The following CHIC1 variants were observed in gnomAD, a reference collection of about 807,000 sequenced individuals.
CHIC1 encodes the protein cysteine rich hydrophobic domain 1.
A neutral mutation model predicts 18.5 loss-of-function variants in CHIC1; 7 were observed. The observed-to-expected ratio is 0.38, with a 90% CI of 0.22 to 0.71. CHIC1 has a LOEUF of 0.71. Ranked by LOEUF, CHIC1 falls within the 30% of genes least tolerant of loss-of-function variation. The pLI is 0.49. For synonymous variants in CHIC1, 77 were observed against 73.5 expected, an observed-to-expected ratio of 1.05 and a Z score of -0.25; for missense variants, 159 against 176.9, an observed-to-expected ratio of 0.90 and a Z score of 0.57.
chrX:73,651,488 T>A (rs73496920), intron 3 of CHIC1, among the ~76,000 whole-genome samples: 1,771 of 111,153 alleles, frequency 0.016, 40 homozygotes, highest in African/African-American at 0.055. Flanking sequence ...CCCCATTGTC[T>A]CAGCCACAAA....
chrX:73,639,792 T>C (rs1005353564), intron 3 of CHIC1, among the ~76,000 whole-genome samples: 1 of 111,784 alleles, frequency 8.9e-6, no homozygotes, highest in Admixed American at 9.6e-5. Flanking sequence ...TTTATGGTAA[T>C]TGTGAATTGA....
rs1384269391 is a variant in CHIC1 at position 73,685,409 on chromosome X, C to T, written c.*4404C>T. On this transcript the variant is annotated 3_prime_UTR_variant, in exon 6 of 6. Transcript: ENST00000373502. ...ACAACAATGGAAATATTGGAGGACC[C>T]ACTTTGGCATTTATGTAAAGATTTC... 9.0e-6 allele frequency: 1 copy of T among 111,640 alleles called. No homozygotes were observed. The highest frequency in any genetic ancestry group is 9.6e-5 in the Admixed American group (1 of 10,442). The allele number at this position is 111,640 out of a possible 1,213,427, so 9.2% of individuals were successfully genotyped here.
chrX:73,638,333 A>G (rs929614301), intron 3 of CHIC1, among the ~76,000 whole-genome samples: 4 of 111,168 alleles, frequency 3.6e-5, no homozygotes, highest in African/African-American at 1.3e-4. Flanking sequence ...TCAGTCCTTC[A>G]GTTTGTCTTC....
intron 3 of CHIC1, among the ~76,000 whole-genome samples, chrX:73,606,872 C>A (rs913989650): frequency 2.8e-5 from 3 of 108,974 alleles, no homozygotes; most frequent in Non-Finnish European, 5.6e-5. Context: ...CAGAGGGGCA[C>A]CTGCCAGATG....
chrX:73,576,016 A>G (rs1332300334), intron 1 of CHIC1, among the ~76,000 whole-genome samples: 1 of 109,105 alleles, frequency 9.2e-6, no homozygotes, highest in East Asian at 2.9e-4. Flanking sequence ...TAAGACACAA[A>G]CACACACATT....
chrX:73,589,515 ATG>A (rs1257515391), intron 3 of CHIC1, among the ~76,000 whole-genome samples: 2 of 107,405 alleles, frequency 1.9e-5, no homozygotes, highest in African/African-American at 6.8e-5. Flanking sequence ...TTCTACTGCT[ATG>A]TATATCTATA....
intron 3 of CHIC1, among the ~76,000 whole-genome samples, chrX:73,587,637 A>G (rs2057559714): frequency 9.0e-6 from 1 of 111,611 alleles, no homozygotes; most frequent in Admixed American, 9.5e-5. Context: ...AAGGAAAAGC[A>G]TATGATAGAA....
chrX:73,620,127 C>T (rs1242717459), intron 3 of CHIC1, among the ~76,000 whole-genome samples: 2 of 112,073 alleles, frequency 1.8e-5, no homozygotes, highest in Non-Finnish European at 3.8e-5. Context: ...TGGGTGGGTT[C>T]CAAGTCTTTG....
chrX:73,582,503 A>G (rs1448876532), intron 2 of CHIC1, among the ~76,000 whole-genome samples: 1 of 109,908 alleles, frequency 9.1e-6, no homozygotes, highest in African/African-American at 3.3e-5. Context: ...AGAGCATTGA[A>G]TCTGCATTTA....
At chrX:73,578,074 A>C (rs1409038044) in intron 2 of CHIC1, among the ~76,000 whole-genome samples, 8 of 110,152 alleles carry the variant, frequency 7.3e-5, no homozygotes, top group African/African-American at 9.8e-5. Flanking sequence ...TATATACTGG[A>C]AATTTGCTGA....
intron 3 of CHIC1, among the ~76,000 whole-genome samples, chrX:73,673,783 A>C (rs375847480): frequency 9.0e-6 from 1 of 111,611 alleles, no homozygotes; most frequent in Admixed American, 9.5e-5. Context: ...TTCCAACACT[A>C]TGTTGAATAG....
chrX:73,645,328 A>G (rs1227991362), intron 3 of CHIC1, among the ~76,000 whole-genome samples: 1 of 112,123 alleles, frequency 8.9e-6, no homozygotes, highest in Non-Finnish European at 1.9e-5. Context: ...ACACTTAGGT[A>G]TCTCTCTATC....
At chrX:73,571,494 G>A (rs940078563) in intron 1 of CHIC1, among the ~76,000 whole-genome samples, 3 of 111,230 alleles carry the variant, frequency 2.7e-5, no homozygotes, top group South Asian at 3.7e-4. Flanking sequence ...TGCTAAGTTA[G>A]CAAATAATTA....
chrX:73,593,938 A>G (rs1032209312), intron 3 of CHIC1, among the ~76,000 whole-genome samples: 1 of 111,505 alleles, frequency 9.0e-6, no homozygotes, highest in Non-Finnish European at 1.9e-5. Context: ...ATTTCTGGGG[A>G]CATAGTGCAA....
intron 3 of CHIC1, among the ~76,000 whole-genome samples, chrX:73,654,345 T>A (rs1178989410): frequency 8.9e-6 from 1 of 112,431 alleles, no homozygotes; most frequent in Non-Finnish European, 1.9e-5. Flanking sequence ...ATTTACTGAT[T>A]GTGTATGTTG....
chrX:73,674,713 G>GT (rs1265357192), intron 3 of CHIC1, among the ~76,000 whole-genome samples: 14 of 111,182 alleles, frequency 1.3e-4, no homozygotes, highest in African/African-American at 3.0e-4. Flanking sequence ...TTTTTGAAGG[G>GT]TTTTTTGTGT....
intron 3 of CHIC1, among the ~76,000 whole-genome samples, chrX:73,668,483 C>T (rs950038661): frequency 9.0e-6 from 1 of 111,566 alleles, no homozygotes; most frequent in African/African-American, 3.3e-5. Flanking sequence ...TCTTTCTCAT[C>T]CTTGTGGGAT....
intron 3 of CHIC1, among the ~76,000 whole-genome samples, chrX:73,666,865 A>G (rs978902023): frequency 1.8e-5 from 2 of 112,053 alleles, no homozygotes; most frequent in Non-Finnish European, 3.8e-5. Context: ...GATATCTATC[A>G]GGTACACTTG....
chrX:73,609,715 T>C lies in CHIC1; in HGVS notation c.507+25143T>C, dbSNP rs961170151. Among the ~76,000 whole-genome samples, 9 of 109,961 alleles carry C rather than the reference T, an allele frequency of 8.2e-5. 1 individual carries two copies. Among genetic ancestry groups the C allele is most frequent in the African/African-American group, 2.8e-4 (8 of 28,410 alleles). On this transcript the variant is annotated intron_variant, in intron 3 of 5. Coordinates refer to ENST00000373502, the MANE Select transcript of CHIC1 (RefSeq NM_001039840.4). ...TTTCTACATATTTATGGAGTACATATAATATTTTGTAACATACATAGACTG... is the reference window on the plus strand; with the variant it reads ...TTTCTACATATTTATGGAGTACATACAATATTTTGTAACATACATAGACTG...
Sources: allele counts gnomAD v4.1 joint callset (sites outside exome capture counted in the v4.1 genomes callset), GRCh38; gene constraint gnomAD v4.1.1; transcripts MANE v1.5; gene names NCBI Gene and HGNC (gene_info 2026-07-23, HGNC 2026-07-21).